The following DISP3 variants were observed in gnomAD, a reference collection of about 807,000 sequenced individuals.
DISP3 encodes protein dispatched homolog 3.
In DISP3, 101 loss-of-function variants were observed where a neutral mutation model predicts 135.3. The observed-to-expected ratio is 0.75, with a 90% CI of 0.64 to 0.88. The LOEUF is 0.88. Ranked by LOEUF, DISP3 falls within the 40% of genes least tolerant of loss-of-function variation. DISP3 has a pLI of 0.00. For synonymous variants in DISP3, 856 were observed against 817.0 expected (o/e 1.05, Z -0.81); for missense variants, 1,713 against 1,878.6 (o/e 0.91, Z 1.63).
rs1413038689 is a variant in DISP3, at chr1:11,490,660, G to A, written c.-3-10330G>A. Among the ~76,000 whole-genome samples, 6 of 152,178 alleles carry A rather than the reference G, an allele frequency of 3.9e-5. No individual in the cohort carries two copies. In the South Asian group the frequency reaches 8.3e-4, roughly 21 times the overall value. On this transcript the variant is annotated intron_variant, in intron 1 of 20. Coordinates refer to ENST00000294484, the MANE Select transcript of DISP3 (RefSeq NM_020780.2). ...CCAGGCTCCAGTGCTGATGGGTCTT[G>A]GAGGTGAGGCCTGAGTTGTGCAGGC...
Position 11,536,328 on chromosome 1 carries a change from C to T in DISP3, c.3821C>T (p.Ala1274Val), listed in dbSNP as rs1642704594. The change falls in exon 21 of 21, where the codon GCC (alanine) becomes GTC (valine). Residue 1274 changes from alanine to valine, a missense_variant. Coordinates refer to ENST00000294484, the MANE Select transcript of DISP3 (RefSeq NM_020780.2). The surrounding 1 kb of genome is among the most constrained non-coding windows in gnomAD (Gnocchi z 4.3). ...ENLPPHQAED[A>V]RTQRQWRTLE... is the part of the protein sequence containing the mutation. ...CAGCTCTCCTCTTGCCCCCAGGACG[C>T]CCGAACGCAGCGCCAGTGGCGTACG... 2 of 1,598,450 alleles carry T rather than the reference C, an allele frequency of 1.3e-6. No individual in the cohort carries two copies. Among genetic ancestry groups the T allele is most frequent in the Non-Finnish European group, 1.7e-6 (2 of 1,178,322 alleles).
chr1:11,515,804 G>T (rs1641994937), intron 5 of DISP3, among the ~76,000 whole-genome samples, 197 bp from the exon 6 acceptor site: 2 of 152,144 alleles, frequency 1.3e-5, no homozygotes, highest in African/African-American at 4.8e-5. Flanking sequence ...TTGGGGCCAA[G>T]GAGTGTGGTG....
chr1:11,523,598 CAG>C (rs1418167043), intron 10 of DISP3, among the ~76,000 whole-genome samples: 3 of 105,584 alleles, frequency 2.8e-5, no homozygotes, highest in Admixed American at 1.2e-4. Context: ...AGATGGCAAG[CAG>C]GGGGCAGAGT....
At position 11,499,613 on chromosome 1, in the gene DISP3, T is replaced by A. The variant is rs1641442881; in HGVS notation, c.-3-1377T>A. ...GGCCTCTCTCCTGCAAGTCTTCCGC[T>A]GCGCACCCCTCCTCTCCCCCACATC... On this transcript the variant is annotated intron_variant, in intron 1 of 20. Transcript: ENST00000294484. This position sits in a 1 kb window ranked among gnomAD's most constrained non-coding sequence, Gnocchi z 5.2. Among the ~76,000 whole-genome samples, 1 of 152,202 alleles carries A rather than the reference T, an allele frequency of 6.6e-6. No homozygotes were observed. Among genetic ancestry groups the A allele is most frequent in the African/African-American group, 2.4e-5 (1 of 41,452 alleles).
rs750811271 is a variant in DISP3, at chr1:11,534,425, C to A, written c.3420C>A (p.Tyr1140Ter). The A allele has an allele frequency of 1.9e-6, 3 of 1,614,134 alleles. No homozygotes were observed. In the African/African-American group the frequency reaches 4.0e-5, roughly 22 times the overall value. Residue 1140 changes from tyrosine to a stop codon, truncating the protein, a stop_gained, in exon 18 of 21, where the codon TAC (tyrosine) becomes TAA (stop). Transcript: ENST00000294484. LOFTEE classifies it high-confidence loss of function. ...GKSSFQTYSD[Y>*]LRWESFLQQQ... ...CCTCCTTCCAGACCTACTCGGACTA[C>A]CTGCGCTGGGAGAGCTTCCTCCAGC...
rs779255682 is a variant in DISP3 at position 11,536,362 on chromosome 1, C to T, written c.3855C>T (p.Ala1285=). 1.1e-5 allele frequency: 18 copies of T among 1,606,802 alleles called. No individual in the cohort carries two copies. The highest frequency in any genetic ancestry group is 1.4e-5 in the Non-Finnish European group (16 of 1,179,886). The change falls in exon 21 of 21, where the codon GCC becomes GCT. Residue 1285 remains alanine (A), a synonymous_variant. Transcript: ENST00000294484. This position sits in a 1 kb window ranked among gnomAD's most constrained non-coding sequence, Gnocchi z 4.3. ...AGCGCCAGTGGCGTACGCTGGAGGC[C>T]GTGCGGCACGTGGGCGTGGCCATCG... The part of the protein sequence containing the change: ...RTQRQWRTLE[A]VRHVGVAIVS...
chr1:11,526,002 A>G (rs1288359672), intron 12 of DISP3, among the ~76,000 whole-genome samples: 1 of 152,104 alleles, frequency 6.6e-6, no homozygotes, highest in Non-Finnish European at 1.5e-5. Flanking sequence ...TTGTAGAGAC[A>G]GGGTCTCTCT....
At chr1:11,494,458 A>G (rs1206893367) in intron 1 of DISP3, among the ~76,000 whole-genome samples, 1 of 152,112 alleles carries the variant, frequency 6.6e-6, no homozygotes, top group East Asian at 1.9e-4. Context: ...GTCTCGGGGA[A>G]AGGTTTGGGA....
rs371418413 is a variant in DISP3 at position 11,514,543 on chromosome 1, G to A, written c.1453+17G>A. The A allele has an allele frequency of 1.2e-6, 2 of 1,609,132 alleles. No individual in the cohort carries two copies. Among genetic ancestry groups the A allele is most frequent in the African/African-American group, 1.3e-5 (1 of 74,848 alleles). On this transcript the variant is annotated intron_variant, in intron 4 of 20. Transcript: ENST00000294484. ...CCTGCTCAGGTAGGGCTTCTCTCAA[G>A]CCAGCCCCCTCCTCCCCTCCCAGGG...
At chr1:11,495,345 C>T (rs998217628) in intron 1 of DISP3, among the ~76,000 whole-genome samples, 3 of 152,106 alleles carry the variant, frequency 2.0e-5, no homozygotes, top group African/African-American at 4.8e-5. Context: ...GAGCTGAGAT[C>T]GCACCATTGC....
chr1:11,492,121 CAAA>C (rs59755389), intron 1 of DISP3, among the ~76,000 whole-genome samples: 5 of 62,182 alleles, frequency 8.0e-5, no homozygotes, highest in Admixed American at 2.0e-4. Flanking sequence ...GACTCCGTCT[CAAA>C]AAAAAAAAAA....
chr1:11,483,422 A>G lies in DISP3; in HGVS notation c.-4+4050A>G, dbSNP rs943551153. Among the ~76,000 whole-genome samples, 1 of 152,214 alleles carries G rather than the reference A, an allele frequency of 6.6e-6. No individual in the cohort carries two copies. Among genetic ancestry groups the G allele is most frequent in the Non-Finnish European group, 1.5e-5 (1 of 68,032 alleles). On this transcript the variant is annotated intron_variant, in intron 1 of 20. Transcript: ENST00000294484. The surrounding 1 kb of genome is among the most constrained non-coding windows in gnomAD (Gnocchi z 5.4). ...AAGCCTTGCCACCATCTCATGTCAC[A>G]TGAATTGTCATCCTCACTTAATGTG...
rs771213509 is a variant in DISP3, at chr1:11,525,243, C to A, written c.2544C>A (p.Ser848=). 6.2e-7 allele frequency: 1 copy of A among 1,614,100 alleles called. No homozygotes were observed. The highest frequency in any genetic ancestry group is 8.5e-7 in the Non-Finnish European group (1 of 1,179,978). The change falls in exon 12 of 21, where the codon TCC becomes TCA. Residue 848 remains serine (S), a synonymous_variant. Coordinates refer to ENST00000294484, the MANE Select transcript of DISP3 (RefSeq NM_020780.2). The stretch of plus-strand genomic sequence containing the variant: ...GCCACCCCGCTGTCTACAGGCTCTC[C>A]CTCAATGCCAGCCTGCCTGCTCCTT... ...SQGHPAVYRL[S]LNASLPAPWQ...
In DISP3 at chr1:11,516,199, C is replaced by A; in HGVS notation, c.1749+38C>A. On this transcript the variant is annotated intron_variant, in intron 6 of 20. Transcript: ENST00000294484. This position sits in a 1 kb window ranked among gnomAD's most constrained non-coding sequence, Gnocchi z 5.1. ...CCTCCATTCCTGTCCTGGCCTCCCA[C>A]ACGCTCATGCATACCTAGCCGCTGG... is the stretch of plus-strand genomic sequence containing the variant. 1 of 1,600,100 alleles carries A rather than the reference C, an allele frequency of 6.2e-7. No individual in the cohort carries two copies. Among genetic ancestry groups the A allele is most frequent in the South Asian group, 1.1e-5 (1 of 88,552 alleles).
At position 11,535,704 on chromosome 1, in the gene DISP3, G is replaced by T; in HGVS notation, c.3816+60G>T. On this transcript the variant is annotated intron_variant, in intron 20 of 20. Transcript: ENST00000294484. The stretch of plus-strand genomic sequence containing the variant: ...ACATTGGGTCTTCTCCCACCTGGGT[G>T]CAGCTGAGGGACCCTCAAGGGCAGC... 4 of 1,555,448 alleles carry T rather than the reference G, an allele frequency of 2.6e-6. No individual in the cohort carries two copies. The South Asian group carries it at 4.8e-5, about 19-fold the overall frequency.
Position 11,519,575 on chromosome 1 carries a change from C to T in DISP3, c.2038+72C>T. 1.3e-6 allele frequency: 2 copies of T among 1,586,594 alleles called. No individual in the cohort carries two copies. Among genetic ancestry groups the T allele is most frequent in the Non-Finnish European group, 1.7e-6 (2 of 1,164,154 alleles). On this transcript the variant is annotated intron_variant, in intron 8 of 20. Transcript: ENST00000294484. The surrounding 1 kb of genome is among the most constrained non-coding windows in gnomAD (Gnocchi z 4.3). ...CGCTGCCTCTGCCAGGGGAGTAACACTTGACAAGTTGGTCCTGAGGCTGGG... is the reference window on the plus strand; with the variant it reads ...CGCTGCCTCTGCCAGGGGAGTAACATTTGACAAGTTGGTCCTGAGGCTGGG...
At position 11,536,321 on chromosome 1, in the gene DISP3, C is replaced by T. The variant is rs1307100109; in HGVS notation, c.3817-3C>T. The T allele has an allele frequency of 1.9e-6, 3 of 1,595,598 alleles. No individual in the cohort carries two copies. Among genetic ancestry groups the T allele is most frequent in the African/African-American group, 1.3e-5 (1 of 74,860 alleles). On this transcript the variant is annotated splice_polypyrimidine_tract_variant and splice_region_variant and intron_variant, in intron 20 of 20. Coordinates refer to ENST00000294484, the MANE Select transcript of DISP3 (RefSeq NM_020780.2). This position sits in a 1 kb window ranked among gnomAD's most constrained non-coding sequence, Gnocchi z 4.3. Reference sequence around the variant, plus strand: ...GGGCTCCCAGCTCTCCTCTTGCCCCCAGGACGCCCGAACGCAGCGCCAGTG... The same window carrying T: ...GGGCTCCCAGCTCTCCTCTTGCCCCTAGGACGCCCGAACGCAGCGCCAGTG...
At chr1:11,527,515 T>C (rs1247192499) in intron 13 of DISP3, among the ~76,000 whole-genome samples, 1 of 146,378 alleles carries the variant, frequency 6.8e-6, no homozygotes, top group African/African-American at 2.6e-5. Flanking sequence ...GCCTCTGCAC[T>C]CCAGCCTGGG....
intron 3 of DISP3, among the ~76,000 whole-genome samples, chr1:11,509,972 G>A (rs1320172789): frequency 6.6e-6 from 1 of 152,100 alleles, no homozygotes; most frequent in African/African-American, 2.4e-5. Flanking sequence ...GGTGGTGGGT[G>A]CCTGTAGTCC....
Sources: gnomAD v4.1 joint callset for allele counts (sites outside exome capture counted in the v4.1 genomes callset) on GRCh38, gnomAD v4.1.1 for gene constraint, Gnocchi (gnomAD v3.1) non-coding constraint, MANE v1.5 for transcripts, NCBI Gene and HGNC (gene_info 2026-07-23, HGNC 2026-07-21) for gene names.